DIP2C: variants seen among roughly 807,000 people sequenced by gnomAD.
The protein encoded by DIP2C is DIP2 acetate--CoA ligase C (putative).
In DIP2C, 33 loss-of-function variants were observed where a neutral mutation model predicts 192.4. That is an observed-to-expected ratio of 0.17 (90% confidence interval 0.13 to 0.23). The LOEUF (loss-of-function observed/expected upper bound fraction) is 0.23. Ranked by LOEUF, DIP2C falls within the 10% of genes least tolerant of loss-of-function variation. The probability of loss-of-function intolerance (pLI) is 1.00; values close to 1 mark genes in which losing one functional copy is unlikely to be tolerated. For synonymous variants in DIP2C, 979 were observed against 864.1 expected, an observed-to-expected ratio of 1.13 and a Z score of -2.33; for missense variants, 1,537 against 2,110.1, an observed-to-expected ratio of 0.73 and a Z score of 5.32.
chr10:584,174 C>T (rs1850836269), intron 1 of DIP2C, among the ~76,000 whole-genome samples: 1 of 152,116 alleles, frequency 6.6e-6, no homozygotes, highest in East Asian at 1.9e-4. Flanking sequence ...AACAAAACAT[C>T]AACTATGCAG....
intron 14 of DIP2C, 89 bp downstream of exon 14, chr10:387,656 A>G: frequency 1.0e-6 from 1 of 979,472 alleles, no homozygotes; most frequent in Non-Finnish European, 1.5e-6. Context: ...GTGGACAGAC[A>G]GTATGGGGAG....
chr10:484,710 G>A, intron 2 of DIP2C: 1 of 1,532,984 alleles, frequency 6.5e-7, no homozygotes. Context: ...GTACGGGATG[G>A]CACTCGGCGG....
intron 1 of DIP2C, among the ~76,000 whole-genome samples, chr10:524,758 CAAT>C (rs1417637837): frequency 2.0e-5 from 3 of 152,244 alleles, no homozygotes; most frequent in East Asian, 3.9e-4. Context: ...ATACTTCCAA[CAAT>C]AATAGCTCAT....
At chr10:414,572 T>C (rs770381907) in intron 7 of DIP2C, among the ~76,000 whole-genome samples, 32 of 151,890 alleles carry the variant, frequency 2.1e-4, no homozygotes, top group Non-Finnish European at 3.8e-4. Context: ...TGCAGTGGCA[T>C]GATCACAGTT....
chr10:408,191 T>C (rs1159376905), intron 9 of DIP2C, among the ~76,000 whole-genome samples: 1 of 152,220 alleles, frequency 6.6e-6, no homozygotes, highest in Non-Finnish European at 1.5e-5. Context: ...GCACTGTGTG[T>C]TGGAAAGGCT....
intron 3 of DIP2C, among the ~76,000 whole-genome samples, chr10:444,428 G>A (rs559068098): frequency 1.3e-4 from 19 of 150,200 alleles, no homozygotes; most frequent in Non-Finnish European, 1.9e-4. Context: ...TCCATCATCC[G>A]AGACTCATGT....
chr10:450,875 C>A (rs992099753), intron 3 of DIP2C, among the ~76,000 whole-genome samples: 1 of 152,198 alleles, frequency 6.6e-6, no homozygotes, highest in African/African-American at 2.4e-5. Context: ...GGAAATAGCA[C>A]AAAAGCCAGG....
chr10:366,136 A>C lies in DIP2C; in HGVS notation c.2268+139T>G. On this transcript the variant is annotated intron_variant, in intron 19 of 36. Transcript: ENST00000280886. ...TATCAAAAGCGATAAAAAGTGGTAAAGTGCCATCGTTTTCATTCATATAAA... is the reference window on the plus strand; with the variant it reads ...TATCAAAAGCGATAAAAAGTGGTAACGTGCCATCGTTTTCATTCATATAAA... The C allele has an allele frequency of 2.5e-6, 3 of 1,219,480 alleles. No homozygotes were observed. In the Admixed American group the frequency reaches 7.3e-5, roughly 30 times the overall value. The allele number at this position is 1,219,480 out of a possible 1,614,324, so 75.5% of individuals were successfully genotyped here. A position where few individuals can be genotyped will look rare whatever the true frequency, so the allele number is the denominator to read the frequency against.
At chr10:308,122 C>T (rs1487243764) in intron 32 of DIP2C, among the ~76,000 whole-genome samples, 1 of 152,220 alleles carries the variant, frequency 6.6e-6, no homozygotes, top group African/African-American at 2.4e-5. Context: ...GGGCGGGGCC[C>T]GGTGAAAGGA....
At chr10:528,197 A>T (rs1847167087) in intron 1 of DIP2C, among the ~76,000 whole-genome samples, 1 of 152,236 alleles carries the variant, frequency 6.6e-6, no homozygotes, top group South Asian at 2.1e-4. Flanking sequence ...TGGTCACAGC[A>T]TCCTTACCTA....
intron 2 of DIP2C, chr10:485,076 G>C: frequency 8.2e-7 from 1 of 1,224,962 alleles, no homozygotes; most frequent in Non-Finnish European, 1.1e-6. Flanking sequence ...CACAGGGCAC[G>C]ACCGCCCTCT....
At chr10:580,987 TTC>T (rs1452514990) in intron 1 of DIP2C, among the ~76,000 whole-genome samples, 2 of 152,168 alleles carry the variant, frequency 1.3e-5, no homozygotes, top group African/African-American at 4.8e-5. Flanking sequence ...TTTAATCGAG[TTC>T]TGACAATTTG....
intron 1 of DIP2C, among the ~76,000 whole-genome samples, chr10:674,414 A>G (rs1830783308): frequency 2.0e-5 from 3 of 152,208 alleles, no homozygotes; most frequent in Admixed American, 1.3e-4. Context: ...GGACATAACA[A>G]TTACAAATAT....
rs563028342 is a variant in DIP2C, at chr10:590,208, G to T, written c.85+99286C>A. On this transcript the variant is annotated intron_variant, in intron 1 of 36. Coordinates refer to ENST00000280886, the MANE Select transcript of DIP2C (RefSeq NM_014974.3). The stretch of plus-strand genomic sequence containing the variant: ...TCTGCGTCCATGAACGACGAGGCTC[G>T]AATGTCAGGCCAGGGGCAACCAAGG... Among the ~76,000 whole-genome samples the T allele has an allele frequency of 2.5e-3, 388 of 152,348 alleles. 1 individual carries two copies. Among genetic ancestry groups the T allele is most frequent in the Middle Eastern group, 0.01 (3 of 294 alleles).
intron 17 of DIP2C, among the ~76,000 whole-genome samples, chr10:372,031 A>G (rs1425336928): frequency 6.6e-6 from 1 of 152,080 alleles, no homozygotes; most frequent in Non-Finnish European, 1.5e-5. Flanking sequence ...CTCAGGGCCC[A>G]AAAACGTATG....
At chr10:579,250 A>G (rs1343501794) in intron 1 of DIP2C, among the ~76,000 whole-genome samples, 2 of 152,020 alleles carry the variant, frequency 1.3e-5, no homozygotes, top group Non-Finnish European at 2.9e-5. Flanking sequence ...TAGGTACACT[A>G]ACATGTGTAC....
At position 363,224 on chromosome 10, in the gene DIP2C, A is replaced by G. The variant is rs1191867698; in HGVS notation, c.2565T>C (p.Ser855=). Residue 855 remains serine, a synonymous_variant, in exon 21 of 37, where the codon AGT becomes AGC. Transcript: ENST00000280886. This position sits in a 1 kb window ranked among gnomAD's most constrained non-coding sequence, Gnocchi z 5.4. ...GCAGCACACGGCTCATCCACTGGAA[A>G]CTGTCCTCTTCCGTGGAGTCAGGCC... ...EQRPDSTEED[S]FQWMSRVLQA... The G allele has an allele frequency of 2.5e-6, 4 of 1,613,506 alleles. No homozygotes were observed. Among genetic ancestry groups the G allele is most frequent in the African/African-American group, 1.3e-5 (1 of 74,884 alleles).
rs373383912 is a variant in DIP2C, at chr10:671,741, G to A, written c.85+17753C>T. ...AAACGCCACAGACGCACGGACGGAG[G>A]AAACGTCACAGACGCACGGACGGAG... On this transcript the variant is annotated intron_variant, in intron 1 of 36. Coordinates refer to ENST00000280886, the MANE Select transcript of DIP2C (RefSeq NM_014974.3). Among the ~76,000 whole-genome samples, 278 of 105,676 alleles carry A rather than the reference G, an allele frequency of 2.6e-3. 9 individuals are homozygous for A. Among genetic ancestry groups the A allele is most frequent in the African/African-American group, 6.8e-3 (159 of 23,438 alleles). The allele number at this position is 105,676 out of a possible 152,430, so 69.3% of individuals were successfully genotyped here. A position where few individuals can be genotyped will look rare whatever the true frequency, so the allele number is the denominator to read the frequency against.
At chr10:619,541 G>GCCCTCCCACCCTCCCACCCTCCCA (rs1554757195) in intron 1 of DIP2C, among the ~76,000 whole-genome samples, 149 of 67,956 alleles carry the variant, frequency 2.2e-3, no homozygotes, top group African/African-American at 4.8e-3. Context: ...CCGCCCGCCC[G>GCCCTCCCACCCTCCCACCCTCCCA]CCCTCCCACC....
Sources: gnomAD v4.1 joint callset for allele counts (sites outside exome capture counted in the v4.1 genomes callset) on GRCh38, gnomAD v4.1.1 for gene constraint, Gnocchi (gnomAD v3.1) non-coding constraint, MANE v1.5 for transcripts, NCBI Gene and HGNC (gene_info 2026-07-23, HGNC 2026-07-21) for gene names.